TENM4: variants seen among roughly 807,000 people sequenced by gnomAD.
TENM4 encodes the protein teneurin-4.
A neutral mutation model predicts 243.3 loss-of-function variants in TENM4; 82 were observed. The observed-to-expected ratio is 0.34, with a 90% CI of 0.28 to 0.40. The LOEUF (loss-of-function observed/expected upper bound fraction) is 0.40. Ranked by LOEUF, TENM4 falls within the 10% of genes least tolerant of loss-of-function variation. The pLI is 1.00. For missense variants in TENM4, 3,138 were observed against 3,673.3 expected (o/e 0.85, Z 3.77); for synonymous variants, 1,412 against 1,456.3 (o/e 0.97, Z 0.69).
chr11:79,273,354 T>C (rs1287927621), intron 2 of TENM4, among the ~76,000 whole-genome samples: 1 of 152,184 alleles, frequency 6.6e-6, no homozygotes, highest in Non-Finnish European at 1.5e-5. Flanking sequence ...CTCGTCTTTC[T>C]CCCTGGAGAG....
At chr11:79,432,792 A>T (rs991756915) in intron 1 of TENM4, among the ~76,000 whole-genome samples, 1 of 152,230 alleles carries the variant, frequency 6.6e-6, no homozygotes, top group Non-Finnish European at 1.5e-5. Context: ...AGTTTGAATT[A>T]CATGGCATAT....
intron 25 of TENM4, among the ~76,000 whole-genome samples, chr11:78,714,134 A>G (rs1859467273): frequency 6.6e-6 from 1 of 152,242 alleles, no homozygotes. Flanking sequence ...ACCCCCTTCA[A>G]GATGAAAGCA....
chr11:78,985,564 T>A (rs1857897369), intron 6 of TENM4, among the ~76,000 whole-genome samples: 2 of 152,244 alleles, frequency 1.3e-5, no homozygotes, highest in Non-Finnish European at 2.9e-5. Flanking sequence ...GATATTATAA[T>A]ATTTACTCAT....
At chr11:79,387,364 G>A (rs1858138635) in intron 1 of TENM4, among the ~76,000 whole-genome samples, 1 of 152,162 alleles carries the variant, frequency 6.6e-6, no homozygotes, top group Non-Finnish European at 1.5e-5. Context: ...TATACACTTA[G>A]GAGTTGGGCA....
chr11:79,416,123 T>A (rs1363352068), intron 1 of TENM4, among the ~76,000 whole-genome samples: 2 of 152,238 alleles, frequency 1.3e-5, no homozygotes, highest in Non-Finnish European at 2.9e-5. Context: ...TACCACAATG[T>A]GTTTATCCAT....
chr11:79,050,880 G>T (rs1859774369), intron 6 of TENM4, among the ~76,000 whole-genome samples: 1 of 152,196 alleles, frequency 6.6e-6, no homozygotes. Context: ...AAATCAGGCT[G>T]ACTGGAGCCT....
chr11:79,299,712 G>C (rs559181208), intron 1 of TENM4, among the ~76,000 whole-genome samples: 1 of 152,182 alleles, frequency 6.6e-6, no homozygotes, highest in Non-Finnish European at 1.5e-5. Context: ...CATTGCCACC[G>C]CAAATGAGTA....
chr11:78,878,983 G>A (rs1227005483), intron 9 of TENM4, among the ~76,000 whole-genome samples: 1 of 152,188 alleles, frequency 6.6e-6, no homozygotes, highest in Non-Finnish European at 1.5e-5. Flanking sequence ...GAAAATGTTT[G>A]CATGAAAAAA....
intron 12 of TENM4, among the ~76,000 whole-genome samples, chr11:78,832,450 C>T (rs1293375198): frequency 6.6e-6 from 1 of 152,270 alleles, no homozygotes; most frequent in East Asian, 1.9e-4. Context: ...TGCACGCACA[C>T]ACACAACACC....
At chr11:79,153,047 T>A (rs1483539859) in intron 3 of TENM4, among the ~76,000 whole-genome samples, 1 of 152,196 alleles carries the variant, frequency 6.6e-6, no homozygotes, top group Non-Finnish European at 1.5e-5. Context: ...GGAAAGTTTG[T>A]TGTGATGTCT....
chr11:78,772,350 C>T (rs907406405), intron 17 of TENM4, among the ~76,000 whole-genome samples: 8 of 152,104 alleles, frequency 5.3e-5, no homozygotes, highest in African/African-American at 1.9e-4. Flanking sequence ...TATTAACAAT[C>T]CTGCCAACCC....
intron 6 of TENM4, among the ~76,000 whole-genome samples, chr11:78,987,585 TATC>T (rs1416100161): frequency 6.6e-6 from 1 of 152,248 alleles, no homozygotes; most frequent in Non-Finnish European, 1.5e-5. Context: ...CATTGCAAAA[TATC>T]ATTGTACATG....
chr11:78,892,064 G>A (rs969677586), intron 7 of TENM4, among the ~76,000 whole-genome samples: 22 of 152,170 alleles, frequency 1.4e-4, no homozygotes, highest in African/African-American at 3.9e-4. Context: ...GCGGTGCAGG[G>A]ACCTGGGTGA....
intron 6 of TENM4, among the ~76,000 whole-genome samples, chr11:78,978,520 G>C (rs1321920421): frequency 1.3e-5 from 2 of 152,222 alleles, no homozygotes; most frequent in East Asian, 3.9e-4. Flanking sequence ...GTTCATAAGA[G>C]GAGAAGCAGG....
At position 78,669,604 on chromosome 11, in the gene TENM4, C is replaced by A. The variant is rs765008895; in HGVS notation, c.6741G>T (p.Arg2247=). The change falls in exon 32 of 34, where the codon CGG becomes CGT. Residue 2247 remains arginine, a synonymous_variant. Transcript: ENST00000278550. The surrounding 1 kb of genome is among the most constrained non-coding windows in gnomAD (Gnocchi z 6.4). ...LRYDIRDRIT[R]LGDVQYKMDE... is the part of the protein sequence containing the mutation. ...CCATCTTGTATTGCACGTCACCCAG[C>A]CGAGTGATGCGGTCGCGGATGTCAT... is the stretch of plus-strand genomic sequence containing the variant. 49 of 1,613,956 alleles carry A rather than the reference C, an allele frequency of 3.0e-5. No individual in the cohort carries two copies. The South Asian group carries it at 5.3e-4, about 17-fold the overall frequency.
chr11:78,920,502 CA>C (rs1219170502), intron 6 of TENM4, among the ~76,000 whole-genome samples: 1 of 152,200 alleles, frequency 6.6e-6, no homozygotes, highest in African/African-American at 2.4e-5. Context: ...CTCTGGGTAA[CA>C]GTAACACAGC....
chr11:79,042,317 G>A (rs1859553074), intron 6 of TENM4, among the ~76,000 whole-genome samples: 1 of 152,148 alleles, frequency 6.6e-6, no homozygotes, highest in Non-Finnish European at 1.5e-5. Context: ...CAGTTACCCT[G>A]CTATGGTCTG....
intron 9 of TENM4, among the ~76,000 whole-genome samples, chr11:78,875,049 G>T (rs969640060): frequency 4.6e-5 from 7 of 152,164 alleles, no homozygotes; most frequent in African/African-American, 1.7e-4. Flanking sequence ...TAAGCAATAG[G>T]TTTTGAGGTC....
chr11:79,324,314 T>C (rs1478627356), intron 1 of TENM4, among the ~76,000 whole-genome samples: 1 of 152,046 alleles, frequency 6.6e-6, no homozygotes, highest in Non-Finnish European at 1.5e-5. Context: ...CTCAAACTCT[T>C]AGGCTCAAGC....
Sources: allele counts gnomAD v4.1 joint callset (sites outside exome capture counted in the v4.1 genomes callset), GRCh38; gene constraint gnomAD v4.1.1; non-coding constraint Gnocchi (gnomAD v3.1); transcripts MANE v1.5; gene names NCBI Gene and HGNC (gene_info 2026-07-23, HGNC 2026-07-21).